Variants in NUP205 observed in about 807,000 individuals in gnomAD.
NUP205 encodes nucleoporin 205, also known as nuclear pore complex protein Nup205.
A neutral mutation model predicts 253.8 loss-of-function variants in NUP205; 76 were observed. The observed-to-expected ratio is 0.30, with a 90% CI of 0.25 to 0.36. The LOEUF (loss-of-function observed/expected upper bound fraction) is 0.36, where lower values mean the gene tolerates loss of function less well. Ranked by LOEUF, NUP205 falls within the 10% of genes least tolerant of loss-of-function variation. The probability of loss-of-function intolerance (pLI) is 1.00; values close to 1 mark genes in which losing one functional copy is unlikely to be tolerated. For missense variants in NUP205, 2,162 were observed against 2,425.5 expected, an observed-to-expected ratio of 0.89 and a Z score of 2.28; for synonymous variants, 832 against 850.1, an observed-to-expected ratio of 0.98 and a Z score of 0.37.
chr7:135,591,662 C>A, intron 11 of NUP205, 62 bp downstream of exon 11: 1 of 1,442,040 alleles, frequency 6.9e-7, no homozygotes, highest in Non-Finnish European at 9.6e-7. Context: ...CAGTATCCCA[C>A]TACCTATTAA....
chr7:135,583,260 T>G (rs1306858324), intron 7 of NUP205, among the ~76,000 whole-genome samples: 1 of 152,224 alleles, frequency 6.6e-6, no homozygotes, highest in African/African-American at 2.4e-5. Flanking sequence ...CAGAATAAGC[T>G]GTGTAGTAGT....
At chr7:135,631,172 CAA>C (rs1048809128) in intron 35 of NUP205, among the ~76,000 whole-genome samples, 9 of 152,098 alleles carry the variant, frequency 5.9e-5, no homozygotes, top group African/African-American at 1.9e-4. Flanking sequence ...TTTTAAAAAA[CAA>C]ATATTTAATT....
chr7:135,648,010 C>T (rs920743707), intron 42 of NUP205, among the ~76,000 whole-genome samples: 1 of 152,038 alleles, frequency 6.6e-6, no homozygotes, highest in Admixed American at 6.6e-5. Flanking sequence ...TCCCACCTAC[C>T]CTCCTGTCCT....
In NUP205 at chr7:135,591,520, A is replaced by G. The variant is rs746181428; in HGVS notation, c.1544A>G (p.Lys515Arg). Residue 515 changes from lysine (K) to arginine (R), a missense_variant, in exon 11 of 43, where the codon AAG (lysine) becomes AGG (arginine). By Grantham distance (26) the Lys-to-Arg change is conservative. Around this residue, in one of 5 missense-constraint regions of NUP205, gnomAD observed 892 missense variants for 957.1 expected, o/e 0.93. Transcript: ENST00000285968. ...LPPTIYIPYL[K>R]MLQGLANGPQ... ...CCAACTATTTATATTCCTTATTTGA[A>G]GATGCTCCAGGGATTGGCCAATGGG... is the stretch of plus-strand genomic sequence containing the variant. 5.6e-6 allele frequency: 9 copies of G among 1,613,898 alleles called. No homozygotes were observed. In the Admixed American group the frequency reaches 8.3e-5, roughly 15 times the overall value.
rs1350738869 is a variant in NUP205 at position 135,618,534 on chromosome 7, C to T, written c.3894C>T (p.Pro1298=). 1 of 1,613,784 alleles carries T rather than the reference C, an allele frequency of 6.2e-7. No homozygotes were observed. The highest frequency in any genetic ancestry group is 1.1e-5 in the South Asian group (1 of 90,988). The change falls in exon 28 of 43, where the codon CCC becomes CCT. Residue 1298 remains proline (P), a synonymous_variant. Transcript: ENST00000285968. ...TAGAAATTATACTGACAGCTTGTCC[C>T]CAGGACCTCATTCAGGCAGAGGATC... ...QLVEIILTAC[P]QDLIQAEDRQ...
At position 135,593,445 on chromosome 7, in the gene NUP205, A is replaced by G. The variant is rs777368194; in HGVS notation, c.1830+253A>G. Among the ~76,000 whole-genome samples the G allele has an allele frequency of 3.5e-4, 53 of 152,350 alleles. 1 individual carries two copies. The highest frequency in any genetic ancestry group is 1.9e-4 in the Non-Finnish European group (13 of 68,040). On this transcript the variant is annotated intron_variant, in intron 12 of 42. Transcript: ENST00000285968. ...TGAAAGAAAATAGTCAGAAGGGCAA[A>G]TAAGAACCAGTTGTTGGATGCATAT...
rs1311514888 is a variant in NUP205, at chr7:135,571,243, A to C, written c.167A>C (p.Asn56Thr). 7.2e-7 allele frequency: 1 copy of C among 1,397,486 alleles called. No homozygotes were observed. Among genetic ancestry groups the C allele is most frequent in the Non-Finnish European group, 9.4e-7 (1 of 1,068,844 alleles). The allele number at this position is 1,397,486 out of a possible 1,614,324, so 86.6% of individuals were successfully genotyped here. Residue 56 changes from asparagine (N) to threonine (T), a missense_variant, in exon 2 of 43, where the codon AAT (asparagine) becomes ACT (threonine). Asn to Thr is a moderately conservative substitution (Grantham distance 65). This residue lies in a region of NUP205 where 109 missense variants were observed against 131.8 expected (regional missense o/e 0.83). Transcript: ENST00000285968. ...HKPDFISLFK[N>T]PPKNVQQHEK... Reference sequence around the variant, plus strand: ...CCTGACTTCATCTCATTGTTCAAAAATCCGGTAAGAAATTTTCTTTTTCAG... The same window carrying C: ...CCTGACTTCATCTCATTGTTCAAAACTCCGGTAAGAAATTTTCTTTTTCAG...
intron 7 of NUP205, among the ~76,000 whole-genome samples, chr7:135,580,663 G>A (rs370217205): frequency 4.6e-5 from 7 of 152,084 alleles, no homozygotes; most frequent in East Asian, 1.9e-4. Flanking sequence ...GGGTTTCACC[G>A]GGTTGCCTAG....
At chr7:135,601,622 C>G (rs1394508624) in intron 17 of NUP205, 115 bp downstream of exon 17, 1 of 1,143,946 alleles carries the variant, frequency 8.7e-7, no homozygotes, top group Non-Finnish European at 1.2e-6. Context: ...AAGATTCTCT[C>G]TCTGTATCTG....
chr7:135,561,334 ACT>A (rs1271612061), intron 1 of NUP205, among the ~76,000 whole-genome samples: 1 of 152,114 alleles, frequency 6.6e-6, no homozygotes, highest in East Asian at 1.9e-4. Flanking sequence ...ACAGAGCGAG[ACT>A]CTGTCTTAAA....
In NUP205 at chr7:135,625,360, G is replaced by A. The variant is rs1237007417; in HGVS notation, c.4671+5G>A. 1 of 1,568,214 alleles carries A rather than the reference G, an allele frequency of 6.4e-7. No homozygotes were observed. Among genetic ancestry groups the A allele is most frequent in the African/African-American group, 1.4e-5 (1 of 72,538 alleles). On this transcript the variant is annotated splice_donor_5th_base_variant and intron_variant, in intron 32 of 42. Transcript: ENST00000285968. ...TATACTTATGAATCTAAAATGGTAA[G>A]GCTTTCTAGACATTTGATGTTAGAT...
chr7:135,617,766 G>A, intron 27 of NUP205, 84 bp downstream of exon 27: 1 of 753,394 alleles, frequency 1.3e-6, no homozygotes, highest in South Asian at 2.1e-5. Flanking sequence ...ATATTGACAT[G>A]TAGTTTGCTA....
chr7:135,641,053 G>T (rs1338631988), intron 38 of NUP205, among the ~76,000 whole-genome samples: 3 of 152,096 alleles, frequency 2.0e-5, no homozygotes, highest in Non-Finnish European at 4.4e-5. Flanking sequence ...TTGCTGCCAG[G>T]AAGATAGGAT....
chr7:135,636,033 A>T (rs1794804660), intron 36 of NUP205, among the ~76,000 whole-genome samples: 1 of 151,016 alleles, frequency 6.6e-6, no homozygotes, highest in African/African-American at 2.5e-5. Flanking sequence ...AGCCACGAGC[A>T]GACTGTTTGC....
chr7:135,583,760 AAAAAT>A (rs1028428462), intron 7 of NUP205, among the ~76,000 whole-genome samples: 10 of 152,178 alleles, frequency 6.6e-5, no homozygotes, highest in South Asian at 2.1e-4. Flanking sequence ...CCCTGTCTCA[AAAAAT>A]AAAATAAAAT....
At chr7:135,561,782 G>T (rs981366773) in intron 1 of NUP205, among the ~76,000 whole-genome samples, 1 of 151,752 alleles carries the variant, frequency 6.6e-6, no homozygotes, top group South Asian at 2.1e-4. Context: ...TCTCTCTCTT[G>T]CTCTTCCCTT....
chr7:135,583,158 A>G (rs1231255701), intron 7 of NUP205, among the ~76,000 whole-genome samples: 1 of 152,134 alleles, frequency 6.6e-6, no homozygotes, highest in Non-Finnish European at 1.5e-5. Flanking sequence ...GTTTGAGACT[A>G]TCTTGGCTTT....
At chr7:135,593,603 C>G (rs540405994) in intron 12 of NUP205, among the ~76,000 whole-genome samples, 19 of 152,146 alleles carry the variant, frequency 1.2e-4, no homozygotes, top group Non-Finnish European at 2.8e-4. Flanking sequence ...TTTTATCTGC[C>G]ACTACCAAAT....
chr7:135,578,620 A>C (rs1467266995), intron 6 of NUP205, 131 bp from the exon 7 acceptor site: 17 of 598,688 alleles, frequency 2.8e-5, no homozygotes, highest in Non-Finnish European at 4.8e-5. Context: ...GGGATGTAGA[A>C]ATTAATGTTA....
Sources: gnomAD v4.1 joint callset for allele counts (sites outside exome capture counted in the v4.1 genomes callset) on GRCh38, gnomAD v4.1.1 for gene constraint, gnomAD v4.1.1 regional missense constraint, MANE v1.5 for transcripts, NCBI Gene and HGNC (gene_info 2026-07-23, HGNC 2026-07-21) for gene names.